KIF6: variants seen among roughly 807,000 people sequenced by gnomAD.
The protein encoded by KIF6 is kinesin-like protein KIF6.
In KIF6, 106 loss-of-function variants were observed where a neutral mutation model predicts 112.7. The observed-to-expected ratio is 0.94, with a 90% confidence interval of 0.80 to 1.11. The LOEUF is 1.11. KIF6 is among the 50% of genes least tolerant of loss of function. The pLI, the probability that KIF6 is intolerant of heterozygous loss-of-function variation, is 0.00. For missense variants in KIF6, 929 were observed against 964.0 expected (o/e 0.96, Z 0.48); for synonymous variants, 339 against 339.9 (o/e 1.00, Z 0.03).
At chr6:39,613,595 C>A in intron 5 of KIF6, among the ~76,000 whole-genome samples, 1 of 152,176 alleles carries the variant, frequency 6.6e-6, no homozygotes, top group East Asian at 1.9e-4. Flanking sequence ...TCTTAGAATG[C>A]ATATTCTTTC....
intron 3 of KIF6, among the ~76,000 whole-genome samples, chr6:39,666,799 T>C (rs1340974507): frequency 2.6e-5 from 4 of 152,196 alleles, no homozygotes; most frequent in Non-Finnish European, 5.9e-5. Flanking sequence ...TTTCACTTTT[T>C]CTATGATCTT....
Position 39,336,335 on chromosome 6 carries a change from A to G in KIF6, c.*197T>C. On this transcript the variant is annotated 3_prime_UTR_variant, in exon 23 of 23. Coordinates refer to ENST00000287152, the MANE Select transcript of KIF6 (RefSeq NM_145027.6). ...CAACCACAGGAAGGATGTTGTGGTC[A>G]GCCCCAGCCCCAGCCTCTCGGTGGC... 1 of 582,842 alleles carries G rather than the reference A, an allele frequency of 1.7e-6. No individual in the cohort carries two copies. Among genetic ancestry groups the G allele is most frequent in the Non-Finnish European group, 3.0e-6 (1 of 328,226 alleles). 36.1% of individuals were successfully genotyped at this position (582,842 alleles called of 1,614,324 possible). A position where few individuals can be genotyped will look rare whatever the true frequency, so the allele number is the denominator to read the frequency against.
intron 13 of KIF6, among the ~76,000 whole-genome samples, chr6:39,473,846 A>G (rs900632988): frequency 2.0e-5 from 3 of 152,282 alleles, no homozygotes; most frequent in African/African-American, 7.2e-5. Context: ...GAGGAGCTTC[A>G]TTGATTAATT....
At chr6:39,364,687 G>A (rs1335014994) in intron 16 of KIF6, among the ~76,000 whole-genome samples, 1 of 152,144 alleles carries the variant, frequency 6.6e-6, no homozygotes, top group African/African-American at 2.4e-5. Context: ...ACTGGGCTAG[G>A]TCCTCCATGT....
chr6:39,587,625 G>A (rs910850660), intron 7 of KIF6, among the ~76,000 whole-genome samples: 6 of 151,826 alleles, frequency 4.0e-5, no homozygotes, highest in African/African-American at 1.5e-4. Context: ...ACTTCGAGCT[G>A]ATGGCCACAC....
intron 3 of KIF6, among the ~76,000 whole-genome samples, chr6:39,705,057 G>T (rs985870917): frequency 6.6e-6 from 1 of 152,156 alleles, no homozygotes; most frequent in Non-Finnish European, 1.5e-5. Flanking sequence ...TTGTAAAGTC[G>T]TTTAGAGCAC....
intron 13 of KIF6, among the ~76,000 whole-genome samples, chr6:39,448,635 A>G (rs543685121): frequency 4.6e-5 from 7 of 152,060 alleles, no homozygotes; most frequent in Admixed American, 2.0e-4. Context: ...ACTCCCTCCA[A>G]GTTTTTGTCC....
At chr6:39,676,284 C>T (rs1450055840) in intron 3 of KIF6, among the ~76,000 whole-genome samples, 3 of 144,170 alleles carry the variant, frequency 2.1e-5, no homozygotes, top group African/African-American at 5.1e-5. Flanking sequence ...CTAAAGCAGA[C>T]TTCTCAAAAG....
intron 13 of KIF6, among the ~76,000 whole-genome samples, chr6:39,438,569 G>C (rs1771708686): frequency 6.6e-6 from 1 of 151,960 alleles, no homozygotes; most frequent in African/African-American, 2.4e-5. Context: ...ATAGAATAAA[G>C]ATATAAAGAA....
intron 10 of KIF6, among the ~76,000 whole-genome samples, chr6:39,575,180 C>T (rs1780874567): frequency 6.6e-6 from 1 of 152,112 alleles, no homozygotes; most frequent in African/African-American, 2.4e-5. Context: ...ACCATGGGCT[C>T]ATCTTTCCTG....
chr6:39,331,115 C>T lies in KIF6; in HGVS notation c.*5417G>A, dbSNP rs7774977. On this transcript the variant is annotated 3_prime_UTR_variant, in exon 23 of 23. Coordinates refer to ENST00000287152, the MANE Select transcript of KIF6 (RefSeq NM_145027.6). ...CTCTCTTTGCACCTTGCCGGGTTCT[C>T]ACACTCCCACCCACCTTGATAGTGA... 4,153 of 152,618 alleles carry T rather than the reference C, an allele frequency of 0.027. 77 individuals carry two copies. Among genetic ancestry groups the T allele is most frequent in the African/African-American group, 0.047 (1,943 of 41,562 alleles). 9.5% of individuals were successfully genotyped at this position (152,618 alleles called of 1,614,324 possible).
At chr6:39,487,728 A>G (rs781252047) in intron 13 of KIF6, among the ~76,000 whole-genome samples, 48 of 152,226 alleles carry the variant, frequency 3.2e-4, no homozygotes, top group Non-Finnish European at 5.0e-4. Flanking sequence ...GCGAATGGGC[A>G]GTTTAGTGGC....
chr6:39,420,908 T>A (rs1770315562), intron 14 of KIF6, among the ~76,000 whole-genome samples: 1 of 152,056 alleles, frequency 6.6e-6, no homozygotes, highest in Non-Finnish European at 1.5e-5. Flanking sequence ...GTTTAGTGAG[T>A]GATTCCTTTA....
Position 39,336,312 on chromosome 6 carries a change from A to G in KIF6, c.*220T>C. 1.8e-6 allele frequency: 1 copy of G among 558,536 alleles called. No homozygotes were observed. The highest frequency in any genetic ancestry group is 3.2e-6 in the Non-Finnish European group (1 of 313,238). 34.6% of individuals were successfully genotyped at this position (558,536 alleles called of 1,614,324 possible). A position where few individuals can be genotyped will look rare whatever the true frequency, so the allele number is the denominator to read the frequency against. ...CCTGGCCCTGCCAGCAGCTCCAGCAACCACAGGAAGGATGTTGTGGTCAGC... is the reference window on the plus strand; with the variant it reads ...CCTGGCCCTGCCAGCAGCTCCAGCAGCCACAGGAAGGATGTTGTGGTCAGC... On this transcript the variant is annotated 3_prime_UTR_variant, in exon 23 of 23. Coordinates refer to ENST00000287152, the MANE Select transcript of KIF6 (RefSeq NM_145027.6).
At chr6:39,405,634 G>A (rs180879193) in intron 15 of KIF6, among the ~76,000 whole-genome samples, 2 of 152,240 alleles carry the variant, frequency 1.3e-5, no homozygotes, top group East Asian at 3.9e-4. Context: ...ATATTTATGG[G>A]GGATTTAGTC....
At chr6:39,512,906 C>A (rs994890569) in intron 13 of KIF6, among the ~76,000 whole-genome samples, 1 of 152,274 alleles carries the variant, frequency 6.6e-6, no homozygotes. Flanking sequence ...AACTTGGTAC[C>A]ATGAGCCAGG....
intron 18 of KIF6, among the ~76,000 whole-genome samples, chr6:39,358,908 A>G (rs1764917071): frequency 1.3e-5 from 2 of 152,240 alleles, no homozygotes; most frequent in African/African-American, 4.8e-5. Flanking sequence ...CTTTGAAGTT[A>G]TGATAAATAT....
At chr6:39,557,726 T>C (rs1179449731) in intron 10 of KIF6, among the ~76,000 whole-genome samples, 1 of 152,000 alleles carries the variant, frequency 6.6e-6, no homozygotes, top group Non-Finnish European at 1.5e-5. Context: ...AACTTTTGTA[T>C]AGAAAGCCCA....
At chr6:39,549,424 A>G (rs989893119) in intron 10 of KIF6, among the ~76,000 whole-genome samples, 1 of 152,212 alleles carries the variant, frequency 6.6e-6, no homozygotes, top group Non-Finnish European at 1.5e-5. Context: ...AAGTGCTATT[A>G]TTATCCCCAT....
Sources: allele counts gnomAD v4.1 joint callset (sites outside exome capture counted in the v4.1 genomes callset), GRCh38; gene constraint gnomAD v4.1.1; transcripts MANE v1.5; gene names NCBI Gene and HGNC (gene_info 2026-07-23, HGNC 2026-07-21).